The following PDE1A variants were observed in gnomAD, a reference collection of about 807,000 sequenced individuals.
PDE1A encodes the protein phosphodiesterase 1A, also known as dual specificity calcium/calmodulin-dependent 3',5'-cyclic nucleotide phosphodiesterase 1A.
Under a neutral mutation model 61.7 loss-of-function variants are expected in PDE1A, and 35 were observed. The observed-to-expected ratio is 0.57, with a 90% CI of 0.43 to 0.75. PDE1A has a LOEUF of 0.75. PDE1A is among the 30% of genes least tolerant of loss of function. The pLI, the probability that PDE1A is intolerant of heterozygous loss-of-function variation, is 0.00. For missense variants in PDE1A, 597 were observed against 630.6 expected (o/e 0.95, Z 0.57); for synonymous variants, 232 against 213.2 (o/e 1.09, Z -0.77).
chr2:182,494,670 G>A (rs1383988146), intron 2 of PDE1A, among the ~76,000 whole-genome samples: 1 of 151,900 alleles, frequency 6.6e-6, no homozygotes, highest in East Asian at 1.9e-4. Flanking sequence ...AACGACCAAT[G>A]TAATAATCAG....
chr2:182,410,003 C>T (rs1469501989), intron 1 of PDE1A, among the ~76,000 whole-genome samples: 1 of 151,918 alleles, frequency 6.6e-6, no homozygotes, highest in South Asian at 2.1e-4. Flanking sequence ...AATAAACGTA[C>T]AAAAAATTTT....
intron 1 of PDE1A, among the ~76,000 whole-genome samples, chr2:182,317,384 A>C (rs891920368): frequency 6.6e-6 from 1 of 152,096 alleles, no homozygotes; most frequent in Non-Finnish European, 1.5e-5. Context: ...CAGCCATTAC[A>C]TTAACAAATA....
At chr2:182,482,692 T>A (rs1186543359) in intron 2 of PDE1A, among the ~76,000 whole-genome samples, 1 of 151,950 alleles carries the variant, frequency 6.6e-6, no homozygotes, top group East Asian at 1.9e-4. Flanking sequence ...CCCCATCCAC[T>A]GCCCTACTGG....
chr2:182,408,128 C>T (rs1300240890), intron 1 of PDE1A, among the ~76,000 whole-genome samples: 1 of 143,768 alleles, frequency 7.0e-6, no homozygotes. Context: ...TGGTGTAAGT[C>T]ACTGGAGTTT....
chr2:182,334,266 A>ACT (rs1697625065), intron 1 of PDE1A, among the ~76,000 whole-genome samples: 1 of 145,296 alleles, frequency 6.9e-6, no homozygotes, highest in Non-Finnish European at 1.5e-5. Context: ...ACCCTGGAAG[A>ACT]GACACACACA....
At chr2:182,342,908 A>G (rs562583095) in intron 1 of PDE1A, among the ~76,000 whole-genome samples, 3 of 152,212 alleles carry the variant, frequency 2.0e-5, no homozygotes, top group African/African-American at 7.2e-5. Context: ...ATAATAAGAC[A>G]CTTTCTCTGT....
chr2:182,462,237 T>C (rs1035113808), intron 2 of PDE1A, among the ~76,000 whole-genome samples: 1 of 151,866 alleles, frequency 6.6e-6, no homozygotes, highest in Non-Finnish European at 1.5e-5. Flanking sequence ...CACACCAACA[T>C]GGCACATGTA....
chr2:182,655,756 AG>A, the PDE1A span, among the ~76,000 whole-genome samples: 2 of 152,334 alleles, frequency 1.3e-5, no homozygotes, highest in Admixed American at 6.5e-5. Context: ...AGGAGAATAA[AG>A]GGTTCAAAAT....
chr2:182,472,671 A>G (rs1687103257), intron 2 of PDE1A, among the ~76,000 whole-genome samples: 1 of 151,894 alleles, frequency 6.6e-6, no homozygotes, highest in South Asian at 2.1e-4. Flanking sequence ...TAGTACATCA[A>G]TGTAGCAAAA....
At chr2:182,398,947 C>T (rs2125435083) in intron 1 of PDE1A, among the ~76,000 whole-genome samples, 1 of 152,004 alleles carries the variant, frequency 6.6e-6, no homozygotes, top group South Asian at 2.1e-4. Context: ...TGGTAAACTA[C>T]CAAATTCCCC....
the PDE1A span, among the ~76,000 whole-genome samples, chr2:182,541,021 AG>A: frequency 1.3e-5 from 2 of 152,142 alleles, no homozygotes; most frequent in African/African-American, 4.8e-5. Context: ...TTATCTTGGA[AG>A]GAGGGAAAGA....
the PDE1A span, among the ~76,000 whole-genome samples, chr2:182,697,025 G>A: frequency 6.6e-6 from 1 of 152,042 alleles, no homozygotes; most frequent in Non-Finnish European, 1.5e-5. Context: ...AATTCTAAAT[G>A]TTACATATAA....
the PDE1A span, among the ~76,000 whole-genome samples, chr2:182,671,550 C>T: frequency 6.7e-6 from 1 of 150,244 alleles, no homozygotes; most frequent in Non-Finnish European, 1.5e-5. Flanking sequence ...CTGATAGGTA[C>T]ATTTCTTGAC....
chr2:182,382,195 A>G (rs1476835869), intron 1 of PDE1A, among the ~76,000 whole-genome samples: 2 of 152,212 alleles, frequency 1.3e-5, no homozygotes, highest in Non-Finnish European at 2.9e-5. Context: ...TTAGTAGATT[A>G]TCCAAGTGTT....
chr2:182,367,483 C>T (rs930558328), intron 1 of PDE1A, among the ~76,000 whole-genome samples: 6 of 151,982 alleles, frequency 3.9e-5, no homozygotes, highest in African/African-American at 1.4e-4. Context: ...AAAAAACACT[C>T]TAATGAATTT....
At chr2:182,145,943 G>A (rs1161510410), downstream of PDE1A, among the ~76,000 whole-genome samples, 1 of 152,098 alleles carries the variant, frequency 6.6e-6, no homozygotes, top group Non-Finnish European at 1.5e-5. Context: ...AACAGCTGTG[G>A]AACTAATAAT....
chr2:182,181,494 A>T (rs1684756010), intron 13 of PDE1A, among the ~76,000 whole-genome samples: 1 of 152,106 alleles, frequency 6.6e-6, no homozygotes, highest in South Asian at 2.1e-4. Context: ...GTGTCTATTG[A>T]TCCCTGTTGG....
At chr2:182,636,247 T>G in the PDE1A span, among the ~76,000 whole-genome samples, 1 of 152,108 alleles carries the variant, frequency 6.6e-6, no homozygotes, top group African/African-American at 2.4e-5. Flanking sequence ...CGTGATACAT[T>G]GAGCCCGGCC....
downstream of PDE1A, among the ~76,000 whole-genome samples, chr2:182,167,457 A>G (rs894808938): frequency 1.3e-5 from 2 of 152,148 alleles, no homozygotes; most frequent in African/African-American, 4.8e-5. Context: ...CGCAAAATGA[A>G]CATGGGATGT....
Sources: gnomAD v4.1 joint callset for allele counts (sites outside exome capture counted in the v4.1 genomes callset) on GRCh38, gnomAD v4.1.1 for gene constraint, MANE v1.5 for transcripts, NCBI Gene and HGNC (gene_info 2026-07-23, HGNC 2026-07-21) for gene names.